The following REEP3 variants were observed in gnomAD, a reference collection of about 807,000 sequenced individuals.
REEP3 encodes the protein receptor accessory protein 3.
In REEP3, 20 loss-of-function variants were observed where a neutral mutation model predicts 41.3. That is an observed-to-expected ratio of 0.48 (90% confidence interval 0.34 to 0.70). The LOEUF (loss-of-function observed/expected upper bound fraction) is 0.70. Among genes scored for constraint, REEP3 ranks in the 30% least tolerant of loss-of-function variants. REEP3 has a pLI of 0.01. For missense variants in REEP3, 271 were observed against 308.8 expected (o/e 0.88, Z 0.92); for synonymous variants, 104 against 101.8 (o/e 1.02, Z -0.13).
chr10:63,527,680 C>CA (rs570342237), intron 1 of REEP3, among the ~76,000 whole-genome samples: 101 of 144,208 alleles, frequency 7.0e-4, no homozygotes, highest in African/African-American at 2.2e-3. Context: ...GACCTTGTCT[C>CA]AAAAAAAAAA....
intron 2 of REEP3, among the ~76,000 whole-genome samples, chr10:63,579,515 G>A (rs1435592801): frequency 6.6e-6 from 1 of 152,194 alleles, no homozygotes; most frequent in Non-Finnish European, 1.5e-5. Context: ...CCCTTCTGAA[G>A]TAAATTGAAA....
chr10:63,568,359 C>T (rs182726025), intron 2 of REEP3, among the ~76,000 whole-genome samples: 1 of 151,736 alleles, frequency 6.6e-6, no homozygotes, highest in South Asian at 2.1e-4. Flanking sequence ...CTCTACCTCC[C>T]GGGTTCACGC....
intron 2 of REEP3, among the ~76,000 whole-genome samples, chr10:63,585,899 A>G (rs1272417980): frequency 1.3e-5 from 2 of 152,126 alleles, no homozygotes; most frequent in Non-Finnish European, 2.9e-5. Flanking sequence ...TGTGATGGAA[A>G]TCCTGAGGAT....
In REEP3 at chr10:63,624,470, T is replaced by C. The variant is rs1372895478; in HGVS notation, c.*3601T>C. 6.6e-6 allele frequency: 1 copy of C among 151,996 alleles called. No individual in the cohort carries two copies. The highest frequency in any genetic ancestry group is 1.5e-5 in the Non-Finnish European group (1 of 67,908). The allele number at this position is 151,996 out of a possible 1,614,324, so 9.4% of individuals were successfully genotyped here. On this transcript the variant is annotated 3_prime_UTR_variant, in exon 8 of 8. Transcript: ENST00000373758. ...AAGAGAAAATAAGTTTGCAGATTTT[T>C]AATAATCTGTTTGTAAAAGGCTATC...
chr10:63,601,273 C>A (rs955365897), intron 5 of REEP3, among the ~76,000 whole-genome samples: 8 of 152,142 alleles, frequency 5.3e-5, no homozygotes, highest in South Asian at 2.1e-4. Flanking sequence ...GATTTTCACC[C>A]TCAAGAACTA....
At chr10:63,594,914 C>A in intron 3 of REEP3, 60 bp downstream of exon 3, 1 of 1,024,490 alleles carries the variant, frequency 9.8e-7, no homozygotes, top group Admixed American at 1.7e-5. Context: ...GTCCTAAGTT[C>A]TTATCCTGCT....
intron 2 of REEP3, among the ~76,000 whole-genome samples, chr10:63,566,756 C>G (rs537021197): frequency 6.6e-6 from 1 of 152,200 alleles, no homozygotes; most frequent in African/African-American, 2.4e-5. Flanking sequence ...GAGAATATCT[C>G]TCTGGCCTCA....
At chr10:63,593,451 C>T (rs904329981) in intron 2 of REEP3, among the ~76,000 whole-genome samples, 2 of 152,168 alleles carry the variant, frequency 1.3e-5, no homozygotes, top group South Asian at 2.1e-4. Flanking sequence ...CTCTGTGCCA[C>T]TGTTTTCTTA....
rs1297267478 is a variant in REEP3 at position 63,619,722 on chromosome 10, T to C, written c.633T>C (p.Asp211=). The C allele has an allele frequency of 6.2e-7, 1 of 1,608,198 alleles. No homozygotes were observed. Among genetic ancestry groups the C allele is most frequent in the Non-Finnish European group, 8.5e-7 (1 of 1,177,194 alleles). ...TDEEAEGPYS[D]NEMLTHKGLR... is the part of the protein sequence containing the mutation. Reference sequence around the variant, plus strand: ...AAGAAGCAGAGGGGCCATATTCAGATAATGAGATGTTAACACACAAAGGGC... The same window carrying C: ...AAGAAGCAGAGGGGCCATATTCAGACAATGAGATGTTAACACACAAAGGGC... Residue 211 remains aspartate, a synonymous_variant, in exon 7 of 8, where the codon GAT becomes GAC. Transcript: ENST00000373758.
intron 5 of REEP3, among the ~76,000 whole-genome samples, chr10:63,605,044 T>G (rs1956211560): frequency 6.6e-6 from 1 of 152,112 alleles, no homozygotes. Context: ...CTGCTTAATA[T>G]TCTACAAAGC....
chr10:63,586,149 C>T (rs1212410340), intron 2 of REEP3, among the ~76,000 whole-genome samples: 1 of 152,118 alleles, frequency 6.6e-6, no homozygotes, highest in Non-Finnish European at 1.5e-5. Flanking sequence ...GTTCATTTTA[C>T]AGTATTCACT....
intron 1 of REEP3, among the ~76,000 whole-genome samples, chr10:63,553,421 A>T (rs184269811): frequency 1.3e-5 from 2 of 152,094 alleles, no homozygotes; most frequent in African/African-American, 4.8e-5. Context: ...CTTGACATGT[A>T]GTATGCCGTC....
chr10:63,612,889 A>C (rs1368412050), intron 6 of REEP3, among the ~76,000 whole-genome samples: 1 of 152,178 alleles, frequency 6.6e-6, no homozygotes, highest in Non-Finnish European at 1.5e-5. Context: ...AGAGTCCTTT[A>C]TTAGCAGTTT....
At chr10:63,561,515 A>C (rs183700771) in intron 1 of REEP3, among the ~76,000 whole-genome samples, 2 of 152,360 alleles carry the variant, frequency 1.3e-5, no homozygotes, top group Non-Finnish European at 1.5e-5. Context: ...GGTTTATATA[A>C]GGCAGTGCTT....
At chr10:63,555,046 A>C (rs562508151) in intron 1 of REEP3, among the ~76,000 whole-genome samples, 2 of 152,278 alleles carry the variant, frequency 1.3e-5, no homozygotes, top group African/African-American at 4.8e-5. Context: ...TTTAGAATAG[A>C]AATTATAGGC....
At chr10:63,609,990 A>G (rs1347151136) in intron 5 of REEP3, among the ~76,000 whole-genome samples, 197 bp from the exon 6 acceptor site, 2 of 152,184 alleles carry the variant, frequency 1.3e-5, no homozygotes, top group African/African-American at 4.8e-5. Flanking sequence ...AAATGCATGA[A>G]AAAATAAAAT....
chr10:63,541,566 T>C, intron 1 of REEP3, among the ~76,000 whole-genome samples: 1 of 152,146 alleles, frequency 6.6e-6, no homozygotes, highest in Middle Eastern at 3.2e-3. Context: ...AGTATAACCA[T>C]CTACCAGTAT....
intron 1 of REEP3, among the ~76,000 whole-genome samples, chr10:63,564,887 A>G (rs1196797138): frequency 6.6e-6 from 1 of 152,242 alleles, no homozygotes. Flanking sequence ...AACCTCAGAA[A>G]TTAATCAAAA....
At chr10:63,543,463 GT>G (rs35146368) in intron 1 of REEP3, among the ~76,000 whole-genome samples, 135,060 of 138,482 alleles carry the variant, frequency 0.98, 65,866 homozygotes, top group East Asian at 0.99. Context: ...GCCCCATTAA[GT>G]TTTTTTTTTT....
Sources: allele counts gnomAD v4.1 joint callset (sites outside exome capture counted in the v4.1 genomes callset), GRCh38; gene constraint gnomAD v4.1.1; transcripts MANE v1.5; gene names NCBI Gene and HGNC (gene_info 2026-07-23, HGNC 2026-07-21).